Variants in C12orf42 observed in about 807,000 individuals in gnomAD.
C12orf42 encodes the protein chromosome 12 open reading frame 42.
Under a neutral mutation model 21.6 loss-of-function variants are expected in C12orf42, and 25 were observed. The observed-to-expected ratio is 1.16, with a 90% CI of 0.84 to 1.62. The LOEUF (loss-of-function observed/expected upper bound fraction) is 1.62, where lower values mean the gene tolerates loss of function less well. Ranked by LOEUF, C12orf42 falls within the 40% of genes most tolerant of loss-of-function variation. The probability of loss-of-function intolerance (pLI) is 0.00; values close to 1 mark genes in which losing one functional copy is unlikely to be tolerated. For synonymous variants in C12orf42, 174 were observed against 175.0 expected, an observed-to-expected ratio of 0.99 and a Z score of 0.05; for missense variants, 483 against 459.3, an observed-to-expected ratio of 1.05 and a Z score of -0.47.
At chr12:103,156,929 A>T in the C12orf42 span, among the ~76,000 whole-genome samples, 2 of 152,162 alleles carry the variant, frequency 1.3e-5, no homozygotes, top group African/African-American at 4.8e-5. Context: ...ATGCTGCAGT[A>T]AACATATATG....
chr12:103,516,337 T>G, the C12orf42 span, among the ~76,000 whole-genome samples: 1 of 152,208 alleles, frequency 6.6e-6, no homozygotes, highest in South Asian at 2.1e-4. Context: ...ACAAATAACT[T>G]AGGAGTAAAC....
the C12orf42 span, among the ~76,000 whole-genome samples, chr12:103,052,701 G>C: frequency 6.6e-6 from 1 of 151,864 alleles, no homozygotes; most frequent in African/African-American, 2.4e-5. Context: ...AGTTAGTGCT[G>C]TTATATCCTA....
At chr12:103,106,781 A>T in the C12orf42 span, among the ~76,000 whole-genome samples, 1,832 of 152,102 alleles carry the variant, frequency 0.012, 39 homozygotes, top group African/African-American at 0.042. Context: ...AAAAGAAGTA[A>T]TATGTTCATC....
intron 10 of C12orf42, among the ~76,000 whole-genome samples, chr12:103,252,528 A>T (rs2034360873): frequency 6.6e-6 from 1 of 152,186 alleles, no homozygotes; most frequent in Admixed American, 6.5e-5. Flanking sequence ...TTTGATTTGC[A>T]TGTTGCTAAT....
the C12orf42 span, among the ~76,000 whole-genome samples, chr12:103,068,885 A>C: frequency 6.6e-5 from 9 of 137,296 alleles, no homozygotes; most frequent in South Asian, 2.3e-4. Flanking sequence ...CTATATATAT[A>C]TATAGATAGA....
chr12:103,479,427 A>T (rs991674854), intron 1 of C12orf42, among the ~76,000 whole-genome samples: 3 of 152,086 alleles, frequency 2.0e-5, no homozygotes, highest in African/African-American at 7.2e-5. Context: ...TGATATCAAC[A>T]GGTCAGTAAA....
the C12orf42 span, among the ~76,000 whole-genome samples, chr12:103,126,084 A>G: frequency 7.2e-5 from 11 of 152,212 alleles, no homozygotes; most frequent in South Asian, 2.1e-4. Flanking sequence ...TTTATGCCCA[A>G]TGAAAGTGGT....
At chr12:103,317,252 T>C (rs537835571) in intron 4 of C12orf42, among the ~76,000 whole-genome samples, 1 of 152,314 alleles carries the variant, frequency 6.6e-6, no homozygotes. Flanking sequence ...TTCCTTCTTC[T>C]GAGAGAAGGA....
At chr12:103,348,039 A>T (rs1215818629) in intron 4 of C12orf42, among the ~76,000 whole-genome samples, 1 of 152,234 alleles carries the variant, frequency 6.6e-6, no homozygotes, top group Admixed American at 6.5e-5. Context: ...AACTATTCAC[A>T]GGGAGAAACG....
chr12:103,557,572 C>G, the C12orf42 span: 3 of 152,186 alleles, frequency 2.0e-5, no homozygotes, highest in Non-Finnish European at 2.9e-5. Context: ...GAGTATCCCT[C>G]AAGCAGTGTT....
chr12:103,296,947 T>C (rs931695679), intron 4 of C12orf42, among the ~76,000 whole-genome samples: 8 of 152,242 alleles, frequency 5.3e-5, no homozygotes, highest in Non-Finnish European at 1.0e-4. Context: ...GCCTATGTCC[T>C]GAATGGAATT....
At chr12:103,327,422 T>G (rs993451739) in intron 4 of C12orf42, among the ~76,000 whole-genome samples, 8 of 152,274 alleles carry the variant, frequency 5.3e-5, no homozygotes, top group African/African-American at 1.7e-4. Context: ...AAAATCTAAA[T>G]AATAGACTGA....
chr12:103,478,941 T>A (rs970912519), intron 1 of C12orf42, among the ~76,000 whole-genome samples: 7 of 152,200 alleles, frequency 4.6e-5, no homozygotes, highest in African/African-American at 1.7e-4. Flanking sequence ...ATGTGAACAA[T>A]TGTATCACCT....
chr12:103,483,649 T>A (rs1008565651), intron 1 of C12orf42, among the ~76,000 whole-genome samples: 24 of 152,160 alleles, frequency 1.6e-4, no homozygotes, highest in Admixed American at 5.9e-4. Context: ...ATGTTTTTTT[T>A]ATTTTTCTTT....
At chr12:103,549,735 T>C in the C12orf42 span, 4 of 152,250 alleles carry the variant, frequency 2.6e-5, no homozygotes, top group Admixed American at 6.5e-5. Context: ...GTCATTTTTT[T>C]AAATTACTAC....
chr12:103,175,994 A>G, the C12orf42 span, among the ~76,000 whole-genome samples: 1 of 152,148 alleles, frequency 6.6e-6, no homozygotes, highest in Non-Finnish European at 1.5e-5. Context: ...GACCACTGAA[A>G]TTGCTTGCTG....
the C12orf42 span, among the ~76,000 whole-genome samples, chr12:103,562,883 C>T: frequency 6.6e-6 from 1 of 152,176 alleles, no homozygotes; most frequent in African/African-American, 2.4e-5. Context: ...ATCATTTTGG[C>T]CCCTACATTG....
At chr12:103,561,219 T>A in the C12orf42 span, among the ~76,000 whole-genome samples, 1 of 152,192 alleles carries the variant, frequency 6.6e-6, no homozygotes, top group Non-Finnish European at 1.5e-5. Flanking sequence ...CAGGAGCTCC[T>A]GACATTCTCA....
the C12orf42 span, among the ~76,000 whole-genome samples, chr12:103,167,492 C>A: frequency 6.6e-6 from 1 of 152,130 alleles, no homozygotes; most frequent in Non-Finnish European, 1.5e-5. Flanking sequence ...TTATTGAACT[C>A]ACTGAAGCCC....
Sources: allele counts gnomAD v4.1 joint callset (sites outside exome capture counted in the v4.1 genomes callset), GRCh38; gene constraint gnomAD v4.1.1; transcripts MANE v1.5; gene names NCBI Gene and HGNC (gene_info 2026-07-23, HGNC 2026-07-21).